LRGUK: variants seen among roughly 807,000 people sequenced by gnomAD.
LRGUK encodes leucine-rich repeat and guanylate kinase domain-containing protein.
A neutral mutation model predicts 76.0 loss-of-function variants in LRGUK; 65 were observed. The ratio of observed to expected loss-of-function variants is 0.85; its 90% CI spans 0.70 to 1.05. The LOEUF (loss-of-function observed/expected upper bound fraction) is 1.05. LRGUK is among the 50% of genes least tolerant of loss of function. The pLI, the probability that LRGUK is intolerant of heterozygous loss-of-function variation, is 0.00. For missense variants in LRGUK, 758 were observed against 732.8 expected (o/e 1.03, Z -0.40); for synonymous variants, 268 against 265.6 (o/e 1.01, Z -0.09).
downstream of LRGUK, chr7:134,264,705 A>T (rs1262135775): frequency 6.6e-6 from 1 of 152,200 alleles, no homozygotes; most frequent in Non-Finnish European, 1.5e-5. Flanking sequence ...AAAAACCTCC[A>T]TTGAGCAGTT....
At chr7:134,201,616 T>C in intron 15 of LRGUK, 40 bp downstream of exon 15, 2 of 1,486,512 alleles carry the variant, frequency 1.3e-6, no homozygotes, top group South Asian at 1.2e-5. Context: ...TTTTTTTTTT[T>C]TCATGGAAAG....
intron 1 of LRGUK, among the ~76,000 whole-genome samples, chr7:134,132,476 G>A (rs376067016): frequency 6.6e-6 from 1 of 152,218 alleles, no homozygotes; most frequent in African/African-American, 2.4e-5. Context: ...ATTGGCCCAC[G>A]TGGTTTTTAT....
intron 16 of LRGUK, among the ~76,000 whole-genome samples, chr7:134,237,722 C>T (rs1802048681): frequency 1.3e-5 from 2 of 152,092 alleles, no homozygotes; most frequent in African/African-American, 4.8e-5. Context: ...ATTGTTGTTA[C>T]CAGGGATGTT....
At chr7:134,239,581 C>G (rs1047730857) in intron 16 of LRGUK, among the ~76,000 whole-genome samples, 2 of 152,222 alleles carry the variant, frequency 1.3e-5, no homozygotes, top group African/African-American at 2.4e-5. Context: ...CCCACCACAG[C>G]TCAAGGAGGC....
At chr7:134,272,783 G>A in the LRGUK span, among the ~76,000 whole-genome samples, 1 of 152,130 alleles carries the variant, frequency 6.6e-6, no homozygotes, top group Non-Finnish European at 1.5e-5. Context: ...TGATGATTAA[G>A]CTAGGTAATG....
intron 11 of LRGUK, among the ~76,000 whole-genome samples, chr7:134,190,566 T>G (rs1032106783): frequency 1.3e-5 from 2 of 152,210 alleles, no homozygotes; most frequent in African/African-American, 4.8e-5. Flanking sequence ...TTTCTGCACT[T>G]AACAGTGGAA....
intron 15 of LRGUK, among the ~76,000 whole-genome samples, chr7:134,220,780 G>C (rs1212129051): frequency 1.3e-5 from 2 of 151,982 alleles, no homozygotes; most frequent in Non-Finnish European, 2.9e-5. Context: ...ATGTTGGCCA[G>C]GCTGGTCTCA....
chr7:134,252,172 A>C (rs2544177), intron 18 of LRGUK, among the ~76,000 whole-genome samples: 11,920 of 151,208 alleles, frequency 0.079, 1,161 homozygotes, highest in African/African-American at 0.23. Context: ...GACTCTGTTT[A>C]TACCAAAAAA....
At chr7:134,267,401 A>C (rs1023962098), downstream of LRGUK, among the ~76,000 whole-genome samples, 3 of 152,150 alleles carry the variant, frequency 2.0e-5, no homozygotes, top group African/African-American at 7.2e-5. Context: ...AACAATAGAC[A>C]CTGGGACTGC....
downstream of LRGUK, among the ~76,000 whole-genome samples, chr7:134,268,933 G>A (rs186455711): frequency 3.0e-3 from 448 of 151,588 alleles, 4 homozygotes; most frequent in Middle Eastern, 0.01. Context: ...GGGTTTCACC[G>A]TGTTAGCCAG....
intron 5 of LRGUK, among the ~76,000 whole-genome samples, chr7:134,156,305 C>G (rs557919920): frequency 4.6e-5 from 7 of 151,934 alleles, no homozygotes; most frequent in Admixed American, 3.9e-4. Flanking sequence ...GATTTATTGT[C>G]ATTTTTAATG....
At chr7:134,215,425 C>A (rs922285901) in intron 15 of LRGUK, among the ~76,000 whole-genome samples, 1 of 152,106 alleles carries the variant, frequency 6.6e-6, no homozygotes, top group Admixed American at 6.6e-5. Context: ...AGGCCTGTTA[C>A]CAGACTTCCC....
intron 15 of LRGUK, among the ~76,000 whole-genome samples, chr7:134,206,534 T>G (rs1031742475): frequency 1.3e-5 from 2 of 149,802 alleles, no homozygotes; most frequent in Non-Finnish European, 3.0e-5. Context: ...AATAAATACA[T>G]ATATATATAT....
intron 11 of LRGUK, among the ~76,000 whole-genome samples, chr7:134,185,466 C>T (rs1799946961): frequency 1.3e-5 from 2 of 150,894 alleles, no homozygotes; most frequent in African/African-American, 2.4e-5. Flanking sequence ...GAGGCTGAGA[C>T]ATGAGAATCC....
chr7:134,136,960 A>T, intron 1 of LRGUK, 63 bp from the exon 2 acceptor site: 1 of 1,314,826 alleles, frequency 7.6e-7, no homozygotes, highest in Non-Finnish European at 1.1e-6. Flanking sequence ...GGATATGACA[A>T]GATAGATTGT....
intron 7 of LRGUK, among the ~76,000 whole-genome samples, chr7:134,166,233 T>C (rs1446235033): frequency 1.3e-5 from 2 of 152,138 alleles, no homozygotes; most frequent in East Asian, 3.8e-4. Flanking sequence ...TCATCAGTAT[T>C]ATGTACTTGG....
intron 15 of LRGUK, among the ~76,000 whole-genome samples, chr7:134,216,377 CTTAAAA>C (rs1801436885): frequency 6.6e-6 from 1 of 152,086 alleles, no homozygotes; most frequent in African/African-American, 2.4e-5. Context: ...AATTAGGTAA[CTTAAAA>C]TTAGAATAAT....
chr7:134,171,135 CT>C (rs34034602), intron 7 of LRGUK, among the ~76,000 whole-genome samples: 123,717 of 147,240 alleles, frequency 0.84, 52,517 homozygotes, highest in Non-Finnish European at 0.9. Context: ...GTCAAGCAAT[CT>C]TTTTTTTTTT....
chr7:134,158,753 C>T (rs1201395513), intron 6 of LRGUK, among the ~76,000 whole-genome samples: 1 of 152,158 alleles, frequency 6.6e-6, no homozygotes, highest in Non-Finnish European at 1.5e-5. Context: ...TGCTGTGTGA[C>T]TATGACTCAA....
Sources: allele counts gnomAD v4.1 joint callset (sites outside exome capture counted in the v4.1 genomes callset), GRCh38; gene constraint gnomAD v4.1.1; transcripts MANE v1.5; gene names NCBI Gene and HGNC (gene_info 2026-07-23, HGNC 2026-07-21).